Variants in PPP2R2A observed in about 807,000 individuals in gnomAD.
The protein encoded by PPP2R2A is serine/threonine-protein phosphatase 2A 55 kDa regulatory subunit B alpha isoform.
In PPP2R2A, 9 loss-of-function variants were observed where a neutral mutation model predicts 53.2. The observed-to-expected ratio is 0.17, with a 90% CI of 0.10 to 0.30. The LOEUF is 0.30. Among genes scored for constraint, PPP2R2A ranks in the 10% least tolerant of loss-of-function variants. The pLI is 1.00. For missense variants in PPP2R2A, 235 were observed against 534.6 expected, an observed-to-expected ratio of 0.44 and a Z score of 5.53; for synonymous variants, 169 against 174.2, an observed-to-expected ratio of 0.97 and a Z score of 0.23.
chr8:26,368,839 G>T (rs1230194910), intron 9 of PPP2R2A, among the ~76,000 whole-genome samples: 1 of 152,126 alleles, frequency 6.6e-6, no homozygotes, highest in Non-Finnish European at 1.5e-5. Context: ...GGGCACGGTG[G>T]CTCACGCCTG....
intron 9 of PPP2R2A, among the ~76,000 whole-genome samples, chr8:26,369,226 G>A (rs1306700423): frequency 6.6e-6 from 1 of 152,054 alleles, no homozygotes; most frequent in Non-Finnish European, 1.5e-5. Context: ...ACAATACCCT[G>A]AGAAGATTAT....
chr8:26,346,603 T>C (rs1300862519), intron 3 of PPP2R2A, among the ~76,000 whole-genome samples: 1 of 152,256 alleles, frequency 6.6e-6, no homozygotes, highest in Non-Finnish European at 1.5e-5. Flanking sequence ...CGTTCCTTCT[T>C]ACAGTTGAGT....
At chr8:26,342,775 T>A (rs1044207856) in intron 3 of PPP2R2A, among the ~76,000 whole-genome samples, 1 of 152,208 alleles carries the variant, frequency 6.6e-6, no homozygotes, top group East Asian at 1.9e-4. Context: ...CCAAAATTCC[T>A]TAACAGGATA....
chr8:26,324,878 C>T (rs964880239), intron 2 of PPP2R2A, among the ~76,000 whole-genome samples: 5 of 151,952 alleles, frequency 3.3e-5, no homozygotes, highest in East Asian at 1.9e-4. Flanking sequence ...GAGATCATTT[C>T]GGAGCTTTAA....
intron 3 of PPP2R2A, among the ~76,000 whole-genome samples, chr8:26,341,979 C>T (rs1803966176): frequency 6.6e-6 from 1 of 152,150 alleles, no homozygotes; most frequent in South Asian, 2.1e-4. Flanking sequence ...GCTGCCTGTC[C>T]GTTTATTCCC....
chr8:26,343,412 C>A (rs1174498557), intron 3 of PPP2R2A, among the ~76,000 whole-genome samples: 1 of 149,856 alleles, frequency 6.7e-6, no homozygotes, highest in Non-Finnish European at 1.5e-5. Flanking sequence ...CACTCTGTTG[C>A]CCAGGCTGGA....
chr8:26,333,422 G>C, intron 2 of PPP2R2A: 1 of 697,486 alleles, frequency 1.4e-6, no homozygotes, highest in South Asian at 2.2e-5. Flanking sequence ...ACCTTCAGCT[G>C]TATTAAAAAT....
chr8:26,296,513 G>A (rs569972883), intron 2 of PPP2R2A, among the ~76,000 whole-genome samples: 1 of 152,232 alleles, frequency 6.6e-6, no homozygotes, highest in South Asian at 2.1e-4. Context: ...TAACCTTTTT[G>A]CTAATTTCCT....
At chr8:26,367,165 T>C (rs917824046) in intron 9 of PPP2R2A, among the ~76,000 whole-genome samples, 4 of 152,210 alleles carry the variant, frequency 2.6e-5, no homozygotes, top group Admixed American at 6.5e-5. Flanking sequence ...ATAGAACTTA[T>C]AGAATGTTTT....
At chr8:26,293,293 C>T in intron 1 of PPP2R2A, 1 of 1,528,130 alleles carries the variant, frequency 6.5e-7, no homozygotes, top group Non-Finnish European at 8.8e-7. Context: ...GGTAGTTTAA[C>T]CTTATTAACT....
In PPP2R2A at chr8:26,365,906, TAAGA is replaced by T. The variant is rs773583759; in HGVS notation, c.973-402_973-399del. The T allele has an allele frequency of 6.5e-4, 101 of 155,062 alleles. 1 individual carries two copies. The highest frequency in any genetic ancestry group is 1.1e-3 in the Non-Finnish European group (75 of 70,008). The allele number at this position is 155,062 out of a possible 1,614,324, so 9.6% of individuals were successfully genotyped here. On this transcript the variant is annotated intron_variant, in intron 8 of 9. Transcript: ENST00000380737. ...AAATTTATGCCCAGAAAATGGTATT[TAAGA>T]AAGAAATAGGCACAGTTTCAGTGTT...
At chr8:26,308,626 A>C (rs971260994) in intron 2 of PPP2R2A, among the ~76,000 whole-genome samples, 2 of 152,028 alleles carry the variant, frequency 1.3e-5, no homozygotes, top group African/African-American at 4.8e-5. Flanking sequence ...TATTTCCACT[A>C]CTTCTGCAGT....
intron 2 of PPP2R2A, among the ~76,000 whole-genome samples, chr8:26,315,373 T>A (rs908021585): frequency 6.6e-6 from 1 of 152,154 alleles, no homozygotes; most frequent in African/African-American, 2.4e-5. Context: ...GTAAGTGGGA[T>A]GGGTCACATC....
chr8:26,317,160 A>C (rs1010800342), intron 2 of PPP2R2A, among the ~76,000 whole-genome samples: 1 of 152,112 alleles, frequency 6.6e-6, no homozygotes, highest in African/African-American at 2.4e-5. Flanking sequence ...CCCCTTGCTC[A>C]CTAGTAGGTC....
chr8:26,367,579 T>C (rs553518857), intron 9 of PPP2R2A, among the ~76,000 whole-genome samples: 5 of 152,382 alleles, frequency 3.3e-5, no homozygotes, highest in African/African-American at 1.2e-4. Context: ...ACGTGTTCTA[T>C]TCTCTGTTTA....
At chr8:26,318,055 A>T (rs1181969367) in intron 2 of PPP2R2A, among the ~76,000 whole-genome samples, 1 of 152,172 alleles carries the variant, frequency 6.6e-6, no homozygotes, top group East Asian at 1.9e-4. Flanking sequence ...TTCCTGTTAA[A>T]ACTCTGTGTG....
rs1170118127 is a variant in PPP2R2A, at chr8:26,316,074, G to A, written c.82+22334G>A. ...GGCTGGAGTACAACGGTGCGACCTC[G>A]GCTCACTGCAGCCTCCGCCTCCTGG... On this transcript the variant is annotated intron_variant, in intron 2 of 9. Transcript: ENST00000380737. Among the ~76,000 whole-genome samples the A allele has an allele frequency of 2.0e-5, 3 of 152,174 alleles. No homozygotes were observed. The East Asian group carries it at 5.8e-4, about 29-fold the overall frequency.
At chr8:26,369,361 G>T (rs992812037) in intron 9 of PPP2R2A, among the ~76,000 whole-genome samples, 2 of 150,944 alleles carry the variant, frequency 1.3e-5, no homozygotes, top group African/African-American at 4.9e-5. Flanking sequence ...TGAGTAGCTG[G>T]GACTACAGGC....
At position 26,363,712 on chromosome 8, in the gene PPP2R2A, T is replaced by C; in HGVS notation, c.803-9T>C. ...TTGCCCTTTTTGTGTTGTTTTGTTT[T>C]GTTTTTAGTGTTTGAAGAACCTGAA... On this transcript the variant is annotated splice_polypyrimidine_tract_variant and intron_variant, in intron 7 of 9. Transcript: ENST00000380737. 1.9e-6 allele frequency: 3 copies of C among 1,562,674 alleles called. No homozygotes were observed. Among genetic ancestry groups the C allele is most frequent in the Non-Finnish European group, 2.6e-6 (3 of 1,150,432 alleles).
Sources: allele counts gnomAD v4.1 joint callset (sites outside exome capture counted in the v4.1 genomes callset), GRCh38; gene constraint gnomAD v4.1.1; transcripts MANE v1.5; gene names NCBI Gene and HGNC (gene_info 2026-07-23, HGNC 2026-07-21).